FAM110B: variants seen among roughly 807,000 people sequenced by gnomAD.
FAM110B encodes protein FAM110B.
Under a neutral mutation model 20.4 loss-of-function variants are expected in FAM110B, and 6 were observed. That is an observed-to-expected ratio of 0.29 (90% CI 0.16 to 0.58). The LOEUF is 0.58. Ranked by LOEUF, FAM110B falls within the 20% of genes least tolerant of loss-of-function variation. The pLI is 0.90. For missense variants in FAM110B, 434 were observed against 498.2 expected, an observed-to-expected ratio of 0.87 and a Z score of 1.23; for synonymous variants, 226 against 214.1, an observed-to-expected ratio of 1.06 and a Z score of -0.49.
intron 1 of FAM110B, among the ~76,000 whole-genome samples, chr8:58,007,565 G>T (rs1257438252): frequency 1.3e-5 from 2 of 152,168 alleles, no homozygotes; most frequent in Non-Finnish European, 2.9e-5. Context: ...CAGAGGTAGG[G>T]CCTTGGCAAG....
At chr8:58,137,776 G>GC (rs1803653627) in intron 3 of FAM110B, among the ~76,000 whole-genome samples, 1 of 152,152 alleles carries the variant, frequency 6.6e-6, no homozygotes, top group East Asian at 1.9e-4. Flanking sequence ...CTAAGCATTT[G>GC]CCCCACTGAA....
chr8:58,077,847 T>C (rs1041950762), intron 3 of FAM110B, among the ~76,000 whole-genome samples: 1 of 152,210 alleles, frequency 6.6e-6, no homozygotes, highest in African/African-American at 2.4e-5. Context: ...ACCAACACAG[T>C]GTCAGTTGGG....
intron 2 of FAM110B, among the ~76,000 whole-genome samples, chr8:58,048,074 T>C (rs923368079): frequency 2.0e-5 from 3 of 152,184 alleles, no homozygotes; most frequent in African/African-American, 7.2e-5. Flanking sequence ...TAAACCCAGC[T>C]TGAAGCTCTA....
intron 1 of FAM110B, among the ~76,000 whole-genome samples, chr8:58,022,495 A>G (rs1274059016): frequency 6.6e-6 from 1 of 152,210 alleles, no homozygotes; most frequent in Non-Finnish European, 1.5e-5. Context: ...ACTGAACTGT[A>G]TACTTAAAAA....
intron 1 of FAM110B, among the ~76,000 whole-genome samples, chr8:58,031,008 T>G (rs986839092): frequency 6.6e-6 from 1 of 152,120 alleles, no homozygotes; most frequent in Middle Eastern, 3.2e-3. Context: ...ATGAAATAGT[T>G]TGTACTTGAA....
At chr8:58,136,681 C>T (rs748399676) in intron 3 of FAM110B, among the ~76,000 whole-genome samples, 4 of 152,128 alleles carry the variant, frequency 2.6e-5, no homozygotes, top group African/African-American at 7.2e-5. Flanking sequence ...CTCACTGATG[C>T]AAGTTAGGGG....
At chr8:58,107,999 T>C (rs1165745528) in intron 3 of FAM110B, among the ~76,000 whole-genome samples, 1 of 152,242 alleles carries the variant, frequency 6.6e-6, no homozygotes, top group African/African-American at 2.4e-5. Context: ...TTTACTAATG[T>C]AACGTCCCAA....
At chr8:58,062,917 C>A (rs966714611) in intron 2 of FAM110B, among the ~76,000 whole-genome samples, 2 of 152,178 alleles carry the variant, frequency 1.3e-5, no homozygotes, top group Non-Finnish European at 2.9e-5. Context: ...CCTTCCTTAG[C>A]GATGAGGACT....
intron 3 of FAM110B, among the ~76,000 whole-genome samples, chr8:58,102,160 C>T (rs1342059951): frequency 6.6e-6 from 1 of 152,200 alleles, no homozygotes; most frequent in Non-Finnish European, 1.5e-5. Flanking sequence ...TGTTAAGAGA[C>T]CCAGACTGCA....
At chr8:57,995,912 A>G (rs1272030849) in intron 1 of FAM110B, among the ~76,000 whole-genome samples, 1 of 152,256 alleles carries the variant, frequency 6.6e-6, no homozygotes, top group African/African-American at 2.4e-5. Flanking sequence ...AAAAGGGAAT[A>G]TGATAGTAGA....
At chr8:58,038,649 G>A (rs1355511078) in intron 2 of FAM110B, among the ~76,000 whole-genome samples, 1 of 152,018 alleles carries the variant, frequency 6.6e-6, no homozygotes, top group Non-Finnish European at 1.5e-5. Flanking sequence ...CTACTTTGGA[G>A]GCTGAGTCAG....
At chr8:58,002,197 G>C (rs1438520454) in intron 1 of FAM110B, among the ~76,000 whole-genome samples, 3 of 152,156 alleles carry the variant, frequency 2.0e-5, no homozygotes, top group Non-Finnish European at 4.4e-5. Flanking sequence ...AACACCCACA[G>C]GTACAGCCAG....
chr8:58,097,053 G>A (rs991214859), intron 3 of FAM110B, among the ~76,000 whole-genome samples: 2 of 152,090 alleles, frequency 1.3e-5, no homozygotes, highest in Non-Finnish European at 2.9e-5. Context: ...TATCTTCGTG[G>A]TGTTCACTGT....
chr8:58,075,296 T>TGTGTG (rs1286749297), intron 2 of FAM110B, among the ~76,000 whole-genome samples: 2 of 150,562 alleles, frequency 1.3e-5, no homozygotes, highest in African/African-American at 2.5e-5. Context: ...TGTGTGTGTG[T>TGTGTG]TTTGTAGATA....
rs71248160 is a variant in FAM110B at position 58,008,126 on chromosome 8, ATT to A, written c.-512+13342_-512+13343del. Among the ~76,000 whole-genome samples the A allele has an allele frequency of 7.2e-3, 833 of 115,966 alleles. 8 individuals carry two copies. Among genetic ancestry groups the A allele is most frequent in the African/African-American group, 0.025 (745 of 30,132 alleles). The allele number at this position is 115,966 out of a possible 152,430, so 76.1% of individuals were successfully genotyped here. A position where few individuals can be genotyped will look rare whatever the true frequency, so the allele number is the denominator to read the frequency against. Reference sequence around the variant, plus strand: ...AGTGTAGGAGTCGTGAAAAGCTTGCATTTTTTTTTTTTTTTTTTTTTTTAAAG... The same window carrying A: ...AGTGTAGGAGTCGTGAAAAGCTTGCATTTTTTTTTTTTTTTTTTTTTAAAG... On this transcript the variant is annotated intron_variant, in intron 1 of 3. Transcript: ENST00000519262.
At chr8:58,046,829 C>A (rs1215444783) in intron 2 of FAM110B, among the ~76,000 whole-genome samples, 1 of 152,162 alleles carries the variant, frequency 6.6e-6, no homozygotes, top group Non-Finnish European at 1.5e-5. Context: ...CTAGACCTTG[C>A]AGAGGGGTCA....
chr8:58,128,710 T>C (rs1226247565), intron 3 of FAM110B, among the ~76,000 whole-genome samples: 1 of 152,228 alleles, frequency 6.6e-6, no homozygotes, highest in Non-Finnish European at 1.5e-5. Context: ...TTCTGAGGTA[T>C]CAGAGGAAGT....
intron 3 of FAM110B, among the ~76,000 whole-genome samples, chr8:58,079,330 TC>T (rs1453565895): frequency 6.6e-6 from 1 of 152,206 alleles, no homozygotes. Context: ...TTAGATGTTT[TC>T]TTTTACTTAT....
intron 1 of FAM110B, among the ~76,000 whole-genome samples, chr8:58,013,585 A>G (rs542945484): frequency 6.6e-6 from 1 of 152,256 alleles, no homozygotes; most frequent in East Asian, 1.9e-4. Flanking sequence ...ATGGGCTGCC[A>G]AATAAAGTGG....
Sources: allele counts gnomAD v4.1 joint callset (sites outside exome capture counted in the v4.1 genomes callset), GRCh38; gene constraint gnomAD v4.1.1; transcripts MANE v1.5; gene names NCBI Gene and HGNC (gene_info 2026-07-23, HGNC 2026-07-21).